CACNA2D3: variants seen among roughly 807,000 people sequenced by gnomAD.
CACNA2D3 encodes voltage-dependent calcium channel subunit alpha-2/delta-3.
In CACNA2D3, 60 loss-of-function variants were observed where a neutral mutation model predicts 160.6. That is an observed-to-expected ratio of 0.37 (90% confidence interval 0.30 to 0.46). The LOEUF (loss-of-function observed/expected upper bound fraction) is 0.46, where lower values mean the gene tolerates loss of function less well. CACNA2D3 is among the 20% of genes least tolerant of loss of function. The pLI is 1.00. For synonymous variants in CACNA2D3, 558 were observed against 492.9 expected (o/e 1.13, Z -1.75); for missense variants, 1,205 against 1,365.0 (o/e 0.88, Z 1.85).
intron 4 of CACNA2D3, among the ~76,000 whole-genome samples, chr3:54,492,154 G>A (rs1338148400): frequency 2.0e-5 from 3 of 152,130 alleles, no homozygotes; most frequent in Non-Finnish European, 4.4e-5. Flanking sequence ...TTTCCCTGGT[G>A]GCACCTCTAT....
chr3:54,698,955 C>A (rs1169418221), intron 11 of CACNA2D3, among the ~76,000 whole-genome samples: 1 of 152,086 alleles, frequency 6.6e-6, no homozygotes, highest in Non-Finnish European at 1.5e-5. Context: ...GGCGGCCCTG[C>A]AAGGACTTCA....
chr3:54,188,361 C>T (rs1005091736), intron 2 of CACNA2D3, among the ~76,000 whole-genome samples: 13 of 152,196 alleles, frequency 8.5e-5, no homozygotes, highest in African/African-American at 3.1e-4. Flanking sequence ...CCAAGGACAG[C>T]GACATGCAAC....
At chr3:54,602,264 G>A (rs1338336816) in intron 9 of CACNA2D3, among the ~76,000 whole-genome samples, 2 of 152,104 alleles carry the variant, frequency 1.3e-5, no homozygotes, top group East Asian at 1.9e-4. Flanking sequence ...TTGGGAGGCC[G>A]AGGCAGGCGG....
At chr3:54,386,659 T>C (rs1403800999) in intron 3 of CACNA2D3, 56 bp from the exon 4 acceptor site, 12 of 1,483,962 alleles carry the variant, frequency 8.1e-6, no homozygotes, top group Non-Finnish European at 9.9e-6. Flanking sequence ...GAAATGGGGT[T>C]CAGGCCACAA....
chr3:54,275,438 A>G (rs1575360448), intron 2 of CACNA2D3, among the ~76,000 whole-genome samples: 1 of 150,788 alleles, frequency 6.6e-6, no homozygotes, highest in South Asian at 2.1e-4. Flanking sequence ...AAGGAAACTC[A>G]ATTATAATGA....
chr3:54,443,582 A>G (rs1422243108), intron 4 of CACNA2D3, among the ~76,000 whole-genome samples: 2 of 152,114 alleles, frequency 1.3e-5, no homozygotes, highest in Non-Finnish European at 2.9e-5. Context: ...CTCACCTGAC[A>G]TGTCCACCAA....
chr3:54,992,262 T>C (rs1387712507), intron 31 of CACNA2D3, among the ~76,000 whole-genome samples: 2 of 151,958 alleles, frequency 1.3e-5, no homozygotes, highest in African/African-American at 2.4e-5. Flanking sequence ...CTCTTAGGAG[T>C]CACCTGATCT....
At chr3:54,172,828 A>G (rs1700603192) in intron 2 of CACNA2D3, among the ~76,000 whole-genome samples, 4 of 152,212 alleles carry the variant, frequency 2.6e-5, no homozygotes, top group African/African-American at 9.7e-5. Context: ...TTTAGTAGGT[A>G]TTGGGATTAC....
At chr3:54,493,101 G>A (rs1212884411) in intron 4 of CACNA2D3, among the ~76,000 whole-genome samples, 3 of 113,632 alleles carry the variant, frequency 2.6e-5, no homozygotes, top group African/African-American at 3.5e-5. Flanking sequence ...TTTTGGAGAC[G>A]GAGTCAGGCT....
At chr3:54,484,415 G>A (rs1367490373) in intron 4 of CACNA2D3, among the ~76,000 whole-genome samples, 1 of 152,048 alleles carries the variant, frequency 6.6e-6, no homozygotes, top group Non-Finnish European at 1.5e-5. Context: ...AATCAGAGAG[G>A]CAGCTCTGTG....
chr3:54,735,981 GTATATATATATACATATA>G (rs1427608145), intron 11 of CACNA2D3, among the ~76,000 whole-genome samples: 3 of 88,020 alleles, frequency 3.4e-5, no homozygotes, highest in African/African-American at 1.2e-4. Flanking sequence ...TTCCATGCAT[GTATATATATATACATATA>G]TATATATGTA....
chr3:54,285,253 G>A (rs1213547761), intron 2 of CACNA2D3, among the ~76,000 whole-genome samples: 1 of 152,172 alleles, frequency 6.6e-6, no homozygotes, highest in Non-Finnish European at 1.5e-5. Flanking sequence ...TTTCCAACGG[G>A]CTTAAAAAAC....
chr3:54,774,283 T>C (rs1188052654), intron 13 of CACNA2D3, among the ~76,000 whole-genome samples: 2 of 152,152 alleles, frequency 1.3e-5, no homozygotes, highest in Admixed American at 6.5e-5. Flanking sequence ...TTTAATTGGC[T>C]CAGGGTTCCG....
intron 13 of CACNA2D3, among the ~76,000 whole-genome samples, chr3:54,771,269 C>T (rs1211934784): frequency 6.6e-6 from 1 of 152,198 alleles, no homozygotes; most frequent in East Asian, 1.9e-4. Flanking sequence ...CTGTATGGCT[C>T]TGCTAGTTCT....
At chr3:54,453,202 A>G (rs564274122) in intron 4 of CACNA2D3, among the ~76,000 whole-genome samples, 49 of 152,160 alleles carry the variant, frequency 3.2e-4, no homozygotes, top group African/African-American at 9.9e-4. Flanking sequence ...TGTGTTGTCC[A>G]TGCTAGCCTT....
At chr3:54,890,757 C>T (rs1050472853) in intron 24 of CACNA2D3, among the ~76,000 whole-genome samples, 3 of 152,128 alleles carry the variant, frequency 2.0e-5, no homozygotes, top group Non-Finnish European at 4.4e-5. Context: ...CTTTACACAT[C>T]TCTTTGGGGT....
At chr3:54,642,731 C>G (rs1334013186) in intron 11 of CACNA2D3, among the ~76,000 whole-genome samples, 1 of 152,134 alleles carries the variant, frequency 6.6e-6, no homozygotes, top group Non-Finnish European at 1.5e-5. Flanking sequence ...GTTCTCTATT[C>G]TGATCCTGCC....
chr3:54,800,582 G>T (rs1316083656), intron 13 of CACNA2D3, among the ~76,000 whole-genome samples: 1 of 152,104 alleles, frequency 6.6e-6, no homozygotes, highest in African/African-American at 2.4e-5. Context: ...AAATGTGGGG[G>T]GCCTTCCCTC....
intron 9 of CACNA2D3, among the ~76,000 whole-genome samples, chr3:54,587,473 C>T (rs955970849): frequency 1.2e-3 from 179 of 152,250 alleles, no homozygotes; most frequent in African/African-American, 4.2e-3. Context: ...AGGAGAATCA[C>T]TTGAACCCGG....
Sources: allele counts gnomAD v4.1 joint callset (sites outside exome capture counted in the v4.1 genomes callset), GRCh38; gene constraint gnomAD v4.1.1; transcripts MANE v1.5; gene names NCBI Gene and HGNC (gene_info 2026-07-23, HGNC 2026-07-21).